The following KIAA0825 variants were observed in gnomAD, a reference collection of about 807,000 sequenced individuals.
The protein encoded by KIAA0825 is uncharacterized protein KIAA0825.
KIAA0825 carries 119 observed loss-of-function variants against 147.6 expected under a neutral mutation model. The observed-to-expected ratio is 0.81, with a 90% CI of 0.69 to 0.94. The LOEUF (loss-of-function observed/expected upper bound fraction) is 0.94. KIAA0825 is among the 40% of genes least tolerant of loss of function. KIAA0825 has a pLI of 0.00. For synonymous variants in KIAA0825, 470 were observed against 518.1 expected (o/e 0.91, Z 1.26); for missense variants, 1,381 against 1,472.7 (o/e 0.94, Z 1.02).
Position 94,483,583 on chromosome 5 carries a change from T to TG in KIAA0825, c.1132+1185dup, listed in dbSNP as rs1013070902. Among the ~76,000 whole-genome samples, 262 of 151,780 alleles carry TG rather than the reference T, an allele frequency of 1.7e-3. 2 individuals are homozygous for TG. Among genetic ancestry groups the TG allele is most frequent in the African/African-American group, 5.3e-3 (218 of 41,480 alleles). ...ATCTTTGGCTTTTTTTTGGTTTTTT[T>TG]GGGGGGGTTTTTTTTGGGGTTGGCT... is the stretch of plus-strand genomic sequence containing the variant. On this transcript the variant is annotated intron_variant, in intron 6 of 20. Transcript: ENST00000682413.
intron 3 of KIAA0825, among the ~76,000 whole-genome samples, chr5:94,529,379 CAT>C (rs755600111): frequency 1.4e-5 from 2 of 142,464 alleles, no homozygotes; most frequent in Non-Finnish European, 3.0e-5. Context: ...GTATATATCT[CAT>C]ATATGTATAT....
chr5:94,609,204 G>C (rs1036236409), intron 1 of KIAA0825, among the ~76,000 whole-genome samples: 1 of 152,114 alleles, frequency 6.6e-6, no homozygotes, highest in Non-Finnish European at 1.5e-5. Flanking sequence ...GTTGGATTTT[G>C]CTTATTACTT....
At chr5:94,374,832 A>C (rs1385944933) in intron 20 of KIAA0825, among the ~76,000 whole-genome samples, 1 of 151,786 alleles carries the variant, frequency 6.6e-6, no homozygotes, top group Non-Finnish European at 1.5e-5. Context: ...CCTCCTCTTA[A>C]TCCTTCATGT....
At chr5:94,555,532 TATTA>T (rs1198040400) in intron 2 of KIAA0825, among the ~76,000 whole-genome samples, 4 of 152,194 alleles carry the variant, frequency 2.6e-5, no homozygotes, top group Non-Finnish European at 4.4e-5. Context: ...CTGTAACTCC[TATTA>T]ATTATTTATA....
chr5:94,383,787 C>CTGTG (rs6149118), intron 20 of KIAA0825, among the ~76,000 whole-genome samples: 18,428 of 145,346 alleles, frequency 0.13, 1,215 homozygotes, highest in African/African-American at 0.19. Context: ...TTATACTGCT[C>CTGTG]TGTGTGTGTG....
chr5:94,226,229 G>C (rs1346284734), intron 20 of KIAA0825, among the ~76,000 whole-genome samples: 1 of 152,188 alleles, frequency 6.6e-6, no homozygotes, highest in Non-Finnish European at 1.5e-5. Flanking sequence ...CTTCTCAAAA[G>C]AAGACATTTA....
At chr5:94,164,385 A>G (rs559799351) in intron 20 of KIAA0825, among the ~76,000 whole-genome samples, 15 of 152,056 alleles carry the variant, frequency 9.9e-5, no homozygotes, top group Non-Finnish European at 1.9e-4. Context: ...TAGAGAACTC[A>G]GAAACAATCC....
chr5:94,314,157 C>T (rs1173379816), intron 20 of KIAA0825, among the ~76,000 whole-genome samples: 1 of 151,640 alleles, frequency 6.6e-6, no homozygotes, highest in Non-Finnish European at 1.5e-5. Flanking sequence ...TGCTGTAACA[C>T]ATTTCACCAT....
At chr5:94,472,789 T>C (rs1288918926) in intron 8 of KIAA0825, among the ~76,000 whole-genome samples, 1 of 152,110 alleles carries the variant, frequency 6.6e-6, no homozygotes, top group Non-Finnish European at 1.5e-5. Context: ...AATCATAGGT[T>C]GCTGAAATCA....
chr5:94,394,454 C>T (rs1432441171), intron 17 of KIAA0825, among the ~76,000 whole-genome samples: 1 of 151,984 alleles, frequency 6.6e-6, no homozygotes, highest in Admixed American at 6.6e-5. Context: ...TGTTAATCAG[C>T]CAAATATTAG....
chr5:94,227,350 G>A (rs538389546), intron 20 of KIAA0825, among the ~76,000 whole-genome samples: 14 of 151,742 alleles, frequency 9.2e-5, no homozygotes, highest in Non-Finnish European at 1.9e-4. Flanking sequence ...TGAACAATGA[G>A]AACACATGGA....
At chr5:94,561,687 A>G (rs1777579980) in intron 2 of KIAA0825, among the ~76,000 whole-genome samples, 1 of 152,222 alleles carries the variant, frequency 6.6e-6, no homozygotes, top group Admixed American at 6.5e-5. Context: ...CAATGCATAG[A>G]AAAACTCATC....
In KIAA0825 at chr5:94,366,464, C is replaced by T. The variant is rs187728639; in HGVS notation, c.3710+17904G>A. Among the ~76,000 whole-genome samples the T allele has an allele frequency of 5.3e-4, 81 of 152,274 alleles. 1 individual carries two copies. Among genetic ancestry groups the T allele is most frequent in the Admixed American group, 2.9e-3 (45 of 15,296 alleles). On this transcript the variant is annotated intron_variant, in intron 20 of 20. Transcript: ENST00000682413. ...CCTCCTCACCCACGTCCTCCTTTTG[C>T]AATTACTTGGAGTCTTGGGCTGTGC... is the stretch of plus-strand genomic sequence containing the variant.
intron 1 of KIAA0825, among the ~76,000 whole-genome samples, chr5:94,589,841 T>TAA (rs55935861): frequency 1.1e-4 from 16 of 141,922 alleles, no homozygotes; most frequent in South Asian, 2.2e-4. Flanking sequence ...TGTCTCACTT[T>TAA]AAAAAAAAAA....
chr5:94,616,523 T>G (rs927744631), intron 1 of KIAA0825, among the ~76,000 whole-genome samples: 27 of 152,090 alleles, frequency 1.8e-4, no homozygotes, highest in African/African-American at 6.3e-4. Context: ...ACTCATTCTT[T>G]CTCCCTACAC....
intron 20 of KIAA0825, among the ~76,000 whole-genome samples, chr5:94,330,814 G>C (rs1781192048): frequency 6.6e-6 from 1 of 152,044 alleles, no homozygotes; most frequent in Non-Finnish European, 1.5e-5. Flanking sequence ...AAAAGAGAGA[G>C]AGAAGACACA....
chr5:94,533,267 T>C (rs1474949257), intron 3 of KIAA0825, among the ~76,000 whole-genome samples: 12 of 119,920 alleles, frequency 1.0e-4, no homozygotes, highest in South Asian at 2.8e-4. Flanking sequence ...CATGAGCCAC[T>C]GTGCCCGGCC....
chr5:94,514,861 C>G (rs915864509), intron 5 of KIAA0825, among the ~76,000 whole-genome samples: 1 of 152,056 alleles, frequency 6.6e-6, no homozygotes, highest in Non-Finnish European at 1.5e-5. Flanking sequence ...ATTCACTTCC[C>G]TCATCCCCAG....
intron 20 of KIAA0825, among the ~76,000 whole-genome samples, chr5:94,286,158 A>G (rs1444805825): frequency 1.3e-5 from 2 of 152,168 alleles, no homozygotes; most frequent in Non-Finnish European, 2.9e-5. Flanking sequence ...AAGTCAAACC[A>G]AGCAAAAATA....
Sources: gnomAD v4.1 joint callset for allele counts (sites outside exome capture counted in the v4.1 genomes callset) on GRCh38, gnomAD v4.1.1 for gene constraint, MANE v1.5 for transcripts, NCBI Gene and HGNC (gene_info 2026-07-23, HGNC 2026-07-21) for gene names.